The following CTNNA2 variants were observed in gnomAD, a reference collection of about 807,000 sequenced individuals.
The protein encoded by CTNNA2 is catenin alpha-2.
CTNNA2 carries 42 observed loss-of-function variants against 101.0 expected under a neutral mutation model. The observed-to-expected ratio is 0.42, with a 90% confidence interval of 0.32 to 0.54. The LOEUF is 0.54. Ranked by LOEUF, CTNNA2 falls within the 20% of genes least tolerant of loss-of-function variation. The pLI is 0.14. For synonymous variants in CTNNA2, 450 were observed against 456.4 expected (o/e 0.99, Z 0.18); for missense variants, 871 against 1,223.1 (o/e 0.71, Z 4.29).
chr2:79,595,674 C>T (rs912636694), intron 1 of CTNNA2, among the ~76,000 whole-genome samples: 2 of 151,724 alleles, frequency 1.3e-5, no homozygotes, highest in Admixed American at 6.6e-5. Flanking sequence ...TCTTAACTCT[C>T]GCTACGCTAC....
chr2:79,899,111 A>G (rs533036095), intron 6 of CTNNA2, among the ~76,000 whole-genome samples: 1 of 152,176 alleles, frequency 6.6e-6, no homozygotes, highest in Non-Finnish European at 1.5e-5. Flanking sequence ...AAAGAGGATG[A>G]ATACTGAATA....
At chr2:79,677,621 A>G (rs1214642997) in intron 2 of CTNNA2, among the ~76,000 whole-genome samples, 1 of 152,196 alleles carries the variant, frequency 6.6e-6, no homozygotes, top group Non-Finnish European at 1.5e-5. Context: ...AAGTACCAGA[A>G]TTGTAAGATT....
intron 7 of CTNNA2, among the ~76,000 whole-genome samples, chr2:80,382,935 A>G (rs200079256): frequency 6.6e-6 from 1 of 152,190 alleles, no homozygotes; most frequent in South Asian, 2.1e-4. Context: ...GTGTGTGTGT[A>G]TCTGTGTATA....
intron 1 of CTNNA2, among the ~76,000 whole-genome samples, chr2:79,517,228 C>G (rs960653686): frequency 1.3e-5 from 2 of 152,134 alleles, no homozygotes; most frequent in African/African-American, 4.8e-5. Context: ...CTTTATCCAA[C>G]AGCATAAGTG....
Position 80,079,763 on chromosome 2 carries a change from G to A in CTNNA2, c.1056+169966G>A, listed in dbSNP as rs543933182. On this transcript the variant is annotated intron_variant, in intron 7 of 18. Transcript: ENST00000402739. ...CGGGAGGCGGAGCTTGCAGTGAGCC[G>A]GGATTGCGCCACTGCACTCCAGCCT... Among the ~76,000 whole-genome samples, 102 of 150,716 alleles carry A rather than the reference G, an allele frequency of 6.8e-4. 1 individual carries two copies. Among genetic ancestry groups the A allele is most frequent in the Middle Eastern group, 3.2e-3 (1 of 312 alleles).
At chr2:79,398,786 A>C (rs1371246276) in intron 4 of CTNNA2, among the ~76,000 whole-genome samples, 1 of 152,008 alleles carries the variant, frequency 6.6e-6, no homozygotes, top group Non-Finnish European at 1.5e-5. Context: ...ACCTGTCAAA[A>C]TCAACTTTTT....
intron 1 of CTNNA2, among the ~76,000 whole-genome samples, chr2:79,597,639 A>G (rs1677287183): frequency 6.6e-6 from 1 of 152,126 alleles, no homozygotes; most frequent in African/African-American, 2.4e-5. Context: ...TTTATTTTTT[A>G]GAGCAGTTTT....
intron 1 of CTNNA2, among the ~76,000 whole-genome samples, chr2:79,624,604 CAG>C (rs1679192216): frequency 6.6e-6 from 1 of 152,128 alleles, no homozygotes; most frequent in African/African-American, 2.4e-5. Flanking sequence ...TGTAGAAGCT[CAG>C]TCACCAGCAT....
intron 3 of CTNNA2, among the ~76,000 whole-genome samples, chr2:79,787,440 TA>T (rs1674934352): frequency 6.6e-6 from 1 of 152,126 alleles, no homozygotes; most frequent in Non-Finnish European, 1.5e-5. Flanking sequence ...GTGTTGTTCA[TA>T]AAAGATGAAG....
chr2:79,879,114 A>C (rs188028409), intron 6 of CTNNA2, among the ~76,000 whole-genome samples: 1 of 152,176 alleles, frequency 6.6e-6, no homozygotes, highest in Non-Finnish European at 1.5e-5. Context: ...AGATTTGTCA[A>C]AGATCAGATG....
intron 3 of CTNNA2, among the ~76,000 whole-genome samples, chr2:79,762,129 T>G (rs1423101801): frequency 1.3e-5 from 2 of 152,194 alleles, no homozygotes; most frequent in Non-Finnish European, 2.9e-5. Flanking sequence ...GGAAACAAAA[T>G]CTTCAAATTT....
intron 4 of CTNNA2, among the ~76,000 whole-genome samples, chr2:79,385,165 T>C (rs1190535485): frequency 2.6e-5 from 4 of 152,200 alleles, no homozygotes; most frequent in African/African-American, 9.6e-5. Flanking sequence ...ACTAGTAAAA[T>C]TGAGTGTCTA....
At chr2:80,580,841 C>G (rs1041449016) in intron 13 of CTNNA2, among the ~76,000 whole-genome samples, 1 of 152,068 alleles carries the variant, frequency 6.6e-6, no homozygotes, top group Non-Finnish European at 1.5e-5. Flanking sequence ...GTGGTGAAAC[C>G]TTGTCTCTAC....
chr2:79,317,703 G>C (rs953796878), intron 3 of CTNNA2, among the ~76,000 whole-genome samples: 1 of 152,014 alleles, frequency 6.6e-6, no homozygotes, highest in Non-Finnish European at 1.5e-5. Context: ...AGAGCAGGCT[G>C]ATCATTTGTT....
intron 7 of CTNNA2, among the ~76,000 whole-genome samples, chr2:80,032,738 C>A (rs1424330115): frequency 1.3e-5 from 2 of 152,142 alleles, no homozygotes; most frequent in Non-Finnish European, 2.9e-5. Flanking sequence ...AAATAGCAGT[C>A]CACAGAAATT....
At chr2:80,600,929 A>G (rs115857416) in intron 15 of CTNNA2, among the ~76,000 whole-genome samples, 1,833 of 152,136 alleles carry the variant, frequency 0.012, 19 homozygotes, top group Middle Eastern at 0.031. Flanking sequence ...ACCTTCATAA[A>G]CCTTTTCTAA....
intron 7 of CTNNA2, among the ~76,000 whole-genome samples, chr2:79,975,473 A>G (rs527298470): frequency 8.7e-4 from 132 of 152,198 alleles, no homozygotes; most frequent in Middle Eastern, 3.4e-3. Flanking sequence ...CTCTACGTCA[A>G]TTCGGTTCTG....
chr2:79,233,492 A>G (rs1674520782), intron 2 of CTNNA2, among the ~76,000 whole-genome samples: 1 of 152,212 alleles, frequency 6.6e-6, no homozygotes, highest in Non-Finnish European at 1.5e-5. Flanking sequence ...GTCTTAGAAT[A>G]TATTCTGTGT....
At chr2:80,331,193 C>T (rs1413561367) in intron 7 of CTNNA2, among the ~76,000 whole-genome samples, 1 of 152,132 alleles carries the variant, frequency 6.6e-6, no homozygotes, top group Non-Finnish European at 1.5e-5. Context: ...AAAGGCAGAG[C>T]AGCCACGACT....
Sources: allele counts gnomAD v4.1 joint callset (sites outside exome capture counted in the v4.1 genomes callset), GRCh38; gene constraint gnomAD v4.1.1; transcripts MANE v1.5; gene names NCBI Gene and HGNC (gene_info 2026-07-23, HGNC 2026-07-21).